LPAR1: variants seen among roughly 807,000 people sequenced by gnomAD.
LPAR1 encodes the protein lysophosphatidic acid receptor 1.
In LPAR1, 5 loss-of-function variants were observed where a neutral mutation model predicts 23.8. The ratio of observed to expected loss-of-function variants is 0.21; its 90% CI spans 0.11 to 0.44. The LOEUF is 0.44. LPAR1 is among the 20% of genes least tolerant of loss of function. The pLI, the probability that LPAR1 is intolerant of heterozygous loss-of-function variation, is 0.99. For synonymous variants in LPAR1, 160 were observed against 164.7 expected, an observed-to-expected ratio of 0.97 and a Z score of 0.22; for missense variants, 311 against 482.8, an observed-to-expected ratio of 0.64 and a Z score of 3.33.
intron 5 of LPAR1, among the ~76,000 whole-genome samples, chr9:110,908,264 A>G (rs187338258): frequency 2.7e-5 from 4 of 150,228 alleles, no homozygotes; most frequent in Admixed American, 1.3e-4. Flanking sequence ...ATATTAAGAC[A>G]TTTGTTTAAA....
intron 5 of LPAR1, among the ~76,000 whole-genome samples, chr9:110,936,626 A>T (rs1175055768): frequency 6.6e-6 from 1 of 152,218 alleles, no homozygotes; most frequent in Admixed American, 6.5e-5. Flanking sequence ...AGAGAATGTA[A>T]GACATAAGGA....
intron 5 of LPAR1, among the ~76,000 whole-genome samples, chr9:110,931,266 A>C (rs1465915652): frequency 6.6e-6 from 1 of 152,230 alleles, no homozygotes; most frequent in Non-Finnish European, 1.5e-5. Context: ...GCATTCACAT[A>C]GCACTTTGCC....
intron 4 of LPAR1, among the ~76,000 whole-genome samples, chr9:110,954,634 G>A (rs2095675580): frequency 6.6e-6 from 1 of 152,106 alleles, no homozygotes; most frequent in Admixed American, 6.5e-5. Flanking sequence ...TTTGTCAGGA[G>A]AAATTGTACA....
intron 2 of LPAR1, among the ~76,000 whole-genome samples, chr9:111,018,027 AAAAC>A (rs2097490064): frequency 6.6e-6 from 1 of 152,130 alleles, no homozygotes; most frequent in South Asian, 2.1e-4. Context: ...AAAAAAAAAC[AAAAC>A]AAACAAACAA....
At chr9:110,943,909 C>G (rs1483602874) in intron 4 of LPAR1, among the ~76,000 whole-genome samples, 1 of 151,770 alleles carries the variant, frequency 6.6e-6, no homozygotes, top group African/African-American at 2.4e-5. Flanking sequence ...GCTGTTTCCC[C>G]ACTGGACATG....
chr9:110,901,313 T>A (rs2088868451), intron 5 of LPAR1, among the ~76,000 whole-genome samples: 1 of 152,194 alleles, frequency 6.6e-6, no homozygotes, highest in African/African-American at 2.4e-5. Flanking sequence ...AAGGTGAGGC[T>A]TTAACTCTTC....
chr9:110,886,054 CG>C (rs1421616196), intron 5 of LPAR1, among the ~76,000 whole-genome samples: 1 of 152,014 alleles, frequency 6.6e-6, no homozygotes, highest in African/African-American at 2.4e-5. Flanking sequence ...AAAAATTAGT[CG>C]GGTGTGATGG....
intron 2 of LPAR1, among the ~76,000 whole-genome samples, chr9:111,006,955 C>T (rs1434702489): frequency 2.6e-5 from 4 of 152,050 alleles, no homozygotes; most frequent in Non-Finnish European, 5.9e-5. Flanking sequence ...ATGAATGGTT[C>T]TGGAACATTC....
At chr9:111,018,505 T>C (rs1268775810) in intron 2 of LPAR1, among the ~76,000 whole-genome samples, 1 of 152,228 alleles carries the variant, frequency 6.6e-6, no homozygotes, top group Non-Finnish European at 1.5e-5. Context: ...TTCCATTTAC[T>C]GCATACTATT....
intron 2 of LPAR1, among the ~76,000 whole-genome samples, chr9:111,024,514 ATATT>A (rs2097646356): frequency 6.8e-6 from 1 of 147,146 alleles, no homozygotes; most frequent in South Asian, 2.1e-4. Context: ...ATAATTATAT[ATATT>A]TATATATATG....
Position 110,915,855 on chromosome 9 carries a change from G to A in LPAR1, c.793+25566C>T, listed in dbSNP as rs540586516. 4.6e-5 allele frequency among the ~76,000 whole-genome samples: 7 copies of A among 152,186 alleles called. No homozygotes were observed. The South Asian group carries it at 6.2e-4, about 14-fold the overall frequency. On this transcript the variant is annotated intron_variant, in intron 5 of 5. Coordinates refer to ENST00000683809, the MANE Select transcript of LPAR1 (RefSeq NM_001351411.2). ...CCCTGAGAAAGAAGAAAAATTGAACGAGTGTGCCTTCTTTTCCTCTCTTGC... is the reference window on the plus strand; with the variant it reads ...CCCTGAGAAAGAAGAAAAATTGAACAAGTGTGCCTTCTTTTCCTCTCTTGC...
In LPAR1 at chr9:110,941,288, C is replaced by G. The variant is rs2095083481; in HGVS notation, c.793+133G>C. 1.3e-6 allele frequency: 1 copy of G among 793,096 alleles called. No homozygotes were observed. The highest frequency in any genetic ancestry group is 2.5e-5 in the East Asian group (1 of 40,442). The allele number at this position is 793,096 out of a possible 1,614,324, so 49.1% of individuals were successfully genotyped here. A position where few individuals can be genotyped will look rare whatever the true frequency, so the allele number is the denominator to read the frequency against. On this transcript the variant is annotated intron_variant, in intron 5 of 5. Transcript: ENST00000683809. This position sits in a 1 kb window ranked among gnomAD's most constrained non-coding sequence, Gnocchi z 6.1. ...AAGCTGACATTTAATATAAAGGTGCCTCATCCCCTTGTAATTCCTGGTGAA... is the reference window on the plus strand; with the variant it reads ...AAGCTGACATTTAATATAAAGGTGCGTCATCCCCTTGTAATTCCTGGTGAA...
chr9:110,949,254 T>A (rs1225233055), intron 4 of LPAR1, among the ~76,000 whole-genome samples: 2 of 151,866 alleles, frequency 1.3e-5, no homozygotes, highest in Non-Finnish European at 2.9e-5. Flanking sequence ...GAATATAAAC[T>A]CATCTTCCAA....
At chr9:110,992,440 GT>G (rs2096914763) in intron 2 of LPAR1, among the ~76,000 whole-genome samples, 1 of 152,202 alleles carries the variant, frequency 6.6e-6, no homozygotes. Context: ...TAATCTGACA[GT>G]TTCTTTAAAA....
chr9:110,880,366 T>C (rs576559), intron 5 of LPAR1, among the ~76,000 whole-genome samples: 60,902 of 151,882 alleles, frequency 0.4, 12,475 homozygotes, highest in East Asian at 0.55. Flanking sequence ...CTCAAATCTA[T>C]CCAACCTCAT....
At chr9:110,898,858 T>C (rs1445504975) in intron 5 of LPAR1, among the ~76,000 whole-genome samples, 1 of 152,240 alleles carries the variant, frequency 6.6e-6, no homozygotes, top group Non-Finnish European at 1.5e-5. Flanking sequence ...TCACGTAATG[T>C]GTGTCACCTT....
At chr9:111,012,857 G>T (rs964600310) in intron 2 of LPAR1, among the ~76,000 whole-genome samples, 4 of 152,042 alleles carry the variant, frequency 2.6e-5, no homozygotes, top group Non-Finnish European at 5.9e-5. Flanking sequence ...GGAAAATTTC[G>T]TTTAATAGTA....
intron 2 of LPAR1, among the ~76,000 whole-genome samples, chr9:111,023,192 G>GA (rs1191358522): frequency 6.6e-6 from 1 of 150,968 alleles, no homozygotes; most frequent in African/African-American, 2.4e-5. Flanking sequence ...TGTCAAGTAA[G>GA]AAAAAAAAGC....
chr9:111,035,164 T>C (rs2097869501), intron 2 of LPAR1, among the ~76,000 whole-genome samples: 2 of 152,192 alleles, frequency 1.3e-5, no homozygotes. Context: ...AATAATTGTT[T>C]GCTGAAATAG....
Sources: allele counts gnomAD v4.1 joint callset (sites outside exome capture counted in the v4.1 genomes callset), GRCh38; gene constraint gnomAD v4.1.1; non-coding constraint Gnocchi (gnomAD v3.1); transcripts MANE v1.5; gene names NCBI Gene and HGNC (gene_info 2026-07-23, HGNC 2026-07-21).